Variants in PTPRG observed in about 807,000 individuals in gnomAD.
PTPRG encodes receptor-type tyrosine-protein phosphatase gamma.
In PTPRG, 102 loss-of-function variants were observed where a neutral mutation model predicts 165.3. That is an observed-to-expected ratio of 0.62 (90% CI 0.53 to 0.73). PTPRG has a LOEUF of 0.73. Ranked by LOEUF, PTPRG falls within the 30% of genes least tolerant of loss-of-function variation. The pLI is 0.00. For synonymous variants in PTPRG, 675 were observed against 669.5 expected (o/e 1.01, Z -0.13); for missense variants, 1,866 against 1,861.4 (o/e 1.00, Z -0.05).
At chr3:61,756,888 G>C (rs1033161581) in intron 2 of PTPRG, among the ~76,000 whole-genome samples, 1 of 152,106 alleles carries the variant, frequency 6.6e-6, no homozygotes, top group Non-Finnish European at 1.5e-5. Flanking sequence ...GAAGGTAGTG[G>C]GGTGATGGAT....
At chr3:61,846,273 G>C (rs538587080) in intron 2 of PTPRG, among the ~76,000 whole-genome samples, 1 of 152,118 alleles carries the variant, frequency 6.6e-6, no homozygotes, top group Non-Finnish European at 1.5e-5. Flanking sequence ...TAATTAATTC[G>C]TACAATAGCA....
chr3:61,649,625 C>T (rs982999591), intron 1 of PTPRG, among the ~76,000 whole-genome samples: 4 of 152,194 alleles, frequency 2.6e-5, no homozygotes, highest in Admixed American at 2.6e-4. Context: ...ACATTGACAA[C>T]ACCTACGTTT....
chr3:61,655,067 G>A (rs950416114), intron 1 of PTPRG, among the ~76,000 whole-genome samples: 2 of 152,076 alleles, frequency 1.3e-5, no homozygotes, highest in East Asian at 1.9e-4. Flanking sequence ...GATTACAGGC[G>A]TGAGCCACCG....
intron 2 of PTPRG, among the ~76,000 whole-genome samples, chr3:61,945,555 G>A (rs1340390089): frequency 6.4e-5 from 4 of 62,742 alleles, no homozygotes; most frequent in Admixed American, 2.7e-4. Context: ...ATGAAACTCC[G>A]TCACCAAAAA....
chr3:62,154,136 G>A (rs1484161334), intron 6 of PTPRG, among the ~76,000 whole-genome samples: 2 of 152,142 alleles, frequency 1.3e-5, no homozygotes, highest in African/African-American at 2.4e-5. Flanking sequence ...AGCCACCAGG[G>A]CTGACTTAAC....
intron 15 of PTPRG, among the ~76,000 whole-genome samples, chr3:62,246,080 T>C (rs554586666): frequency 2.0e-5 from 3 of 152,282 alleles, no homozygotes; most frequent in South Asian, 4.1e-4. Context: ...TTTAAATATG[T>C]TTCTCCTAAT....
intron 8 of PTPRG, among the ~76,000 whole-genome samples, chr3:62,177,370 A>G (rs902371594): frequency 1.8e-4 from 27 of 152,192 alleles, no homozygotes; most frequent in African/African-American, 5.5e-4. Flanking sequence ...CTTATAGTAC[A>G]GGATCTTGGA....
chr3:62,131,383 T>C (rs1184751609), intron 5 of PTPRG, among the ~76,000 whole-genome samples: 1 of 152,160 alleles, frequency 6.6e-6, no homozygotes, highest in Non-Finnish European at 1.5e-5. Flanking sequence ...GCAGTGTGTG[T>C]TATTGTCAGA....
At chr3:61,969,099 C>G (rs915074671) in intron 2 of PTPRG, among the ~76,000 whole-genome samples, 2 of 152,126 alleles carry the variant, frequency 1.3e-5, no homozygotes, top group African/African-American at 2.4e-5. Context: ...GAATGTAGTA[C>G]TATATTTGAC....
chr3:62,231,438 C>T, intron 14 of PTPRG, 127 bp downstream of exon 14: 1 of 573,628 alleles, frequency 1.7e-6, no homozygotes, highest in Non-Finnish European at 2.7e-6. Context: ...ACCTGCTTTA[C>T]CTGAATTCCC....
intron 1 of PTPRG, among the ~76,000 whole-genome samples, chr3:61,670,915 G>A (rs1258560000): frequency 3.3e-5 from 5 of 152,162 alleles, no homozygotes; most frequent in African/African-American, 4.8e-5. Flanking sequence ...CTTGGGGTGG[G>A]GAGTGTGACG....
intron 1 of PTPRG, among the ~76,000 whole-genome samples, chr3:61,575,336 G>A (rs369559533): frequency 4.6e-5 from 7 of 152,106 alleles, no homozygotes; most frequent in African/African-American, 1.4e-4. Flanking sequence ...TTTAAATGGG[G>A]TTGAGGGAAT....
intron 6 of PTPRG, among the ~76,000 whole-genome samples, chr3:62,142,534 A>C (rs1703970456): frequency 6.6e-6 from 1 of 152,178 alleles, no homozygotes; most frequent in Non-Finnish European, 1.5e-5. Context: ...TAACATTAGA[A>C]AGGAAGAGAT....
intron 1 of PTPRG, among the ~76,000 whole-genome samples, chr3:61,593,728 A>T: frequency 6.7e-6 from 1 of 149,932 alleles, no homozygotes. Flanking sequence ...AAAAAAGAAG[A>T]AAAAGCCAGA....
At chr3:62,264,650 T>C (rs901245614) in intron 17 of PTPRG, among the ~76,000 whole-genome samples, 1 of 152,228 alleles carries the variant, frequency 6.6e-6, no homozygotes, top group Non-Finnish European at 1.5e-5. Flanking sequence ...GGCTGAATAA[T>C]ACTCTAATGT....
intron 2 of PTPRG, among the ~76,000 whole-genome samples, chr3:61,755,546 C>T (rs187440095): frequency 3.3e-3 from 504 of 152,326 alleles, no homozygotes; most frequent in Non-Finnish European, 5.2e-3. Flanking sequence ...TTGTTTACCA[C>T]ACTTACTAAT....
chr3:61,635,182 T>C (rs189586588), intron 1 of PTPRG, among the ~76,000 whole-genome samples: 2 of 152,106 alleles, frequency 1.3e-5, no homozygotes, highest in African/African-American at 4.8e-5. Context: ...ATGGGACTTC[T>C]ATTCTTAATG....
At chr3:61,727,385 AC>A (rs1308826867) in intron 1 of PTPRG, among the ~76,000 whole-genome samples, 2 of 152,068 alleles carry the variant, frequency 1.3e-5, no homozygotes, top group African/African-American at 4.8e-5. Flanking sequence ...TAAACTCCTA[AC>A]CTCAGGTGGT....
intron 1 of PTPRG, among the ~76,000 whole-genome samples, chr3:61,600,038 T>G (rs1300836993): frequency 6.6e-6 from 1 of 151,476 alleles, no homozygotes; most frequent in African/African-American, 2.4e-5. Flanking sequence ...TGTACACCTG[T>G]AGTCCCAGCT....
Sources: gnomAD v4.1 joint callset for allele counts (sites outside exome capture counted in the v4.1 genomes callset) on GRCh38, gnomAD v4.1.1 for gene constraint, MANE v1.5 for transcripts, NCBI Gene and HGNC (gene_info 2026-07-23, HGNC 2026-07-21) for gene names.